CYP20A1: variants seen among roughly 807,000 people sequenced by gnomAD.
CYP20A1 encodes the protein cytochrome P450 20A1.
Under a neutral mutation model 61.4 loss-of-function variants are expected in CYP20A1, and 61 were observed. The observed-to-expected ratio is 0.99, with a 90% confidence interval of 0.81 to 1.23. CYP20A1 has a LOEUF of 1.23. CYP20A1 is among the 50% of genes most tolerant of loss of function. The pLI, the probability that CYP20A1 is intolerant of heterozygous loss-of-function variation, is 0.00. For missense variants in CYP20A1, 530 were observed against 542.4 expected (o/e 0.98, Z 0.23); for synonymous variants, 193 against 188.2 (o/e 1.03, Z -0.21).
chr2:203,261,555 G>C (rs1228655715), intron 4 of CYP20A1, among the ~76,000 whole-genome samples: 4 of 131,850 alleles, frequency 3.0e-5, no homozygotes, highest in Non-Finnish European at 4.8e-5. Context: ...GAGTGCAGTG[G>C]CATGATCACT....
At position 203,300,891 on chromosome 2, in the gene CYP20A1, G is replaced by GAAAAA. The variant is rs1163039964; in HGVS notation, c.*4001_*4005dup. Among the ~76,000 whole-genome samples the GAAAAA allele has an allele frequency of 5.4e-5, 2 of 37,042 alleles. No individual in the cohort carries two copies. Among genetic ancestry groups the GAAAAA allele is most frequent in the East Asian group, 9.4e-4 (1 of 1,068 alleles). 24.3% of individuals were successfully genotyped at this position (37,042 alleles called of 152,430 possible). A position where few individuals can be genotyped will look rare whatever the true frequency, so the allele number is the denominator to read the frequency against. ...GCAATAAGAGCAAAACTCCGTCTCA[G>GAAAAA]AAAAAAAAAAAAAAAAAAAAAACGG... is the stretch of plus-strand genomic sequence containing the variant. On this transcript the variant is annotated 3_prime_UTR_variant, in exon 13 of 13. Coordinates refer to ENST00000356079, the MANE Select transcript of CYP20A1 (RefSeq NM_177538.3).
rs371732817 is a variant in CYP20A1 at position 203,296,739 on chromosome 2, T to C, written c.1239-19T>C. 1 of 1,571,506 alleles carries C rather than the reference T, an allele frequency of 6.4e-7. No homozygotes were observed. The highest frequency in any genetic ancestry group is 1.4e-5 in the African/African-American group (1 of 72,732). ...TAATTTTTAATCTTTAGTAACTAATTGACTTTCTTCCTGACTAGGTTTGCA... is the reference window on the plus strand; with the variant it reads ...TAATTTTTAATCTTTAGTAACTAATCGACTTTCTTCCTGACTAGGTTTGCA... On this transcript the variant is annotated intron_variant, in intron 12 of 12. Transcript: ENST00000356079.
intron 3 of CYP20A1, among the ~76,000 whole-genome samples, chr2:203,248,542 A>C (rs1176706472): frequency 1.3e-5 from 2 of 152,174 alleles, no homozygotes; most frequent in Non-Finnish European, 2.9e-5. Flanking sequence ...TCAAAAAAAA[A>C]AGACTCTCAT....
chr2:203,260,924 G>A (rs958871627), intron 4 of CYP20A1, among the ~76,000 whole-genome samples: 5 of 152,048 alleles, frequency 3.3e-5, no homozygotes, highest in African/African-American at 1.2e-4. Context: ...TATATTTAAT[G>A]TCTTTAAGAT....
At chr2:203,243,200 A>G (rs1053791779) in intron 1 of CYP20A1, among the ~76,000 whole-genome samples, 7 of 151,580 alleles carry the variant, frequency 4.6e-5, no homozygotes, top group African/African-American at 1.5e-4. Flanking sequence ...CTGGAGTGCA[A>G]TGGTGTGGTC....
chr2:203,289,010 A>G (rs1227039525), intron 9 of CYP20A1, among the ~76,000 whole-genome samples: 1 of 152,230 alleles, frequency 6.6e-6, no homozygotes, highest in Non-Finnish European at 1.5e-5. Context: ...AGTTTGATAT[A>G]TATTGCCAAA....
chr2:203,292,122 A>T (rs1336538544), intron 10 of CYP20A1, 140 bp from the exon 11 acceptor site: 1 of 506,602 alleles, frequency 2.0e-6, no homozygotes, highest in Non-Finnish European at 3.5e-6. Context: ...CAAAATAATC[A>T]CTTGTGGTTT....
intron 3 of CYP20A1, 150 bp from the exon 4 acceptor site, chr2:203,251,817 A>ATATATATGTGTGTATATATATATATATAT (rs34111991): frequency 1.0e-5 from 1 of 95,294 alleles, no homozygotes; most frequent in Non-Finnish European, 2.2e-5. Flanking sequence ...ATATATATAT[A>ATATATATGTGTGTATATATATATATATAT]AAAAATAAAA....
intron 11 of CYP20A1, among the ~76,000 whole-genome samples, chr2:203,294,721 G>A (rs534897525): frequency 7.3e-5 from 11 of 150,858 alleles, no homozygotes; most frequent in African/African-American, 2.7e-4. Flanking sequence ...TGCAACCTCC[G>A]CCTCCCGGGT....
In CYP20A1 at chr2:203,289,927, G is replaced by A. The variant is rs774389438; in HGVS notation, c.1083+51G>A. 5.6e-6 allele frequency: 5 copies of A among 890,926 alleles called. No homozygotes were observed. In the Admixed American group the frequency reaches 1.1e-4, roughly 19 times the overall value. The allele number at this position is 890,926 out of a possible 1,614,324, so 55.2% of individuals were successfully genotyped here. A position where few individuals can be genotyped will look rare whatever the true frequency, so the allele number is the denominator to read the frequency against. On this transcript the variant is annotated intron_variant, in intron 10 of 12. Coordinates refer to ENST00000356079, the MANE Select transcript of CYP20A1 (RefSeq NM_177538.3). ...TCATTCAGCTATTCTCAACTCTTTT[G>A]GTGTGTGTGTGTGTATATATATATA... is the stretch of plus-strand genomic sequence containing the variant.
rs1359967971 is a variant in CYP20A1 at position 203,304,198 on chromosome 2, T to A, written c.*7290T>A. 1.3e-5 allele frequency among the ~76,000 whole-genome samples: 2 copies of A among 151,670 alleles called. No individual in the cohort carries two copies. Among genetic ancestry groups the A allele is most frequent in the Non-Finnish European group, 2.9e-5 (2 of 67,852 alleles). Reference sequence around the variant, plus strand: ...CTGTACTCCAGCCTAGGTGACAGAGTGAGACTCCATAGGTCTCAGCCAGAC... The same window carrying A: ...CTGTACTCCAGCCTAGGTGACAGAGAGAGACTCCATAGGTCTCAGCCAGAC... On this transcript the variant is annotated 3_prime_UTR_variant, in exon 13 of 13. Coordinates refer to ENST00000356079, the MANE Select transcript of CYP20A1 (RefSeq NM_177538.3).
intron 4 of CYP20A1, among the ~76,000 whole-genome samples, chr2:203,259,109 T>C (rs56059523): frequency 0.087 from 13,221 of 152,246 alleles, 806 homozygotes; most frequent in Non-Finnish European, 0.12. Context: ...AAACTTTCAG[T>C]CTTTTCTGTT....
rs573918575 is a variant in CYP20A1 at position 203,249,353 on chromosome 2, A to T, written c.289+2432A>T. On this transcript the variant is annotated intron_variant, in intron 3 of 12. Coordinates refer to ENST00000356079, the MANE Select transcript of CYP20A1 (RefSeq NM_177538.3). ...GACACATTGAGACTGTCTCTAAATT[A>T]AAAACAAAGTCAAAATCACCTTGAG... 5.9e-5 allele frequency among the ~76,000 whole-genome samples: 9 copies of T among 152,294 alleles called. No homozygotes were observed. The South Asian group carries it at 1.7e-3, about 28-fold the overall frequency.
rs1036239838 is a variant in CYP20A1 at position 203,303,854 on chromosome 2, G to C, written c.*6946G>C. Among the ~76,000 whole-genome samples, 1 of 142,080 alleles carries C rather than the reference G, an allele frequency of 7.0e-6. No individual in the cohort carries two copies. The highest frequency in any genetic ancestry group is 1.5e-5 in the Non-Finnish European group (1 of 65,944). The allele number at this position is 142,080 out of a possible 152,430, so 93.2% of individuals were successfully genotyped here. A position where few individuals can be genotyped will look rare whatever the true frequency, so the allele number is the denominator to read the frequency against. ...ATTGTGCCACTGCACTCCAGCTTAG[G>C]CAATAAAACAAGACTGTCTCAAAAA... On this transcript the variant is annotated 3_prime_UTR_variant, in exon 13 of 13. Transcript: ENST00000356079.
Position 203,305,168 on chromosome 2 carries a change from T to C in CYP20A1, c.*8260T>C, listed in dbSNP as rs1041650761. 1.3e-5 allele frequency among the ~76,000 whole-genome samples: 2 copies of C among 151,614 alleles called. No individual in the cohort carries two copies. The highest frequency in any genetic ancestry group is 2.9e-5 in the Non-Finnish European group (2 of 67,934). On this transcript the variant is annotated 3_prime_UTR_variant, in exon 13 of 13. Transcript: ENST00000356079. The stretch of plus-strand genomic sequence containing the variant: ...CACTCTTCCAGTTCTACTCCCAATT[T>C]AATTGGTTTACAGTTCGGTGGCTGT...
chr2:203,239,053 C>G lies in CYP20A1; in HGVS notation c.-10C>G, dbSNP rs758195679. On this transcript the variant is annotated 5_prime_UTR_variant, in exon 1 of 13. Transcript: ENST00000356079. ...CCGATCCGAGACGTGGCTCCCTGGGCGGCAGAACCATGTTGGACTTCGCGA... is the reference window on the plus strand; with the variant it reads ...CCGATCCGAGACGTGGCTCCCTGGGGGGCAGAACCATGTTGGACTTCGCGA... The G allele has an allele frequency of 6.2e-7, 1 of 1,613,206 alleles. No homozygotes were observed. The highest frequency in any genetic ancestry group is 8.5e-7 in the Non-Finnish European group (1 of 1,179,450).
At chr2:203,264,445 T>C (rs981434671) in intron 4 of CYP20A1, among the ~76,000 whole-genome samples, 3 of 152,146 alleles carry the variant, frequency 2.0e-5, no homozygotes, top group Admixed American at 1.3e-4. Context: ...TTTCCTGATA[T>C]TAACTCCACT....
In CYP20A1 at chr2:203,303,438, G is replaced by A. The variant is rs2069098180; in HGVS notation, c.*6530G>A. 6.6e-6 allele frequency among the ~76,000 whole-genome samples: 1 copy of A among 150,954 alleles called. No individual in the cohort carries two copies. The highest frequency in any genetic ancestry group is 2.4e-5 in the African/African-American group (1 of 41,148). ...ATTATTGCAAAAATAGGCCGGGCCTGTAATTCCAGCACTTTGGGAGGCCAA... is the reference window on the plus strand; with the variant it reads ...ATTATTGCAAAAATAGGCCGGGCCTATAATTCCAGCACTTTGGGAGGCCAA... On this transcript the variant is annotated 3_prime_UTR_variant, in exon 13 of 13. Transcript: ENST00000356079.
intron 4 of CYP20A1, among the ~76,000 whole-genome samples, chr2:203,265,307 C>G (rs2067280272): frequency 1.3e-5 from 2 of 152,130 alleles, no homozygotes; most frequent in African/African-American, 2.4e-5. Context: ...TTCTGAATGT[C>G]CTTTGGAGAC....
Sources: allele counts gnomAD v4.1 joint callset (sites outside exome capture counted in the v4.1 genomes callset), GRCh38; gene constraint gnomAD v4.1.1; transcripts MANE v1.5; gene names NCBI Gene and HGNC (gene_info 2026-07-23, HGNC 2026-07-21).